The following AGTR1 variants were observed in gnomAD, a reference collection of about 807,000 sequenced individuals.
The protein encoded by AGTR1 is angiotensin II receptor type 1, also known as type-1 angiotensin II receptor.
In AGTR1, 16 loss-of-function variants were observed where a neutral mutation model predicts 19.4. That is an observed-to-expected ratio of 0.82 (90% CI 0.56 to 1.25). AGTR1 has a LOEUF of 1.25. Among genes scored for constraint, AGTR1 ranks in the 50% most tolerant of loss-of-function variants. AGTR1 has a pLI of 0.00. For synonymous variants in AGTR1, 153 were observed against 154.9 expected, an observed-to-expected ratio of 0.99 and a Z score of 0.09; for missense variants, 373 against 431.9, an observed-to-expected ratio of 0.86 and a Z score of 1.21.
intron 2 of AGTR1, chr3:148,730,141 C>T (rs143906108): frequency 2.5e-6 from 1 of 398,114 alleles, no homozygotes; most frequent in East Asian, 3.6e-5. Context: ...CTTCATCATC[C>T]TCATCGTGAA....
intron 2 of AGTR1, among the ~76,000 whole-genome samples, chr3:148,719,995 A>G (rs1177189451): frequency 6.6e-6 from 1 of 152,256 alleles, no homozygotes; most frequent in Non-Finnish European, 1.5e-5. Flanking sequence ...ATGTACAAGT[A>G]TCTCTGGGAA....
At position 148,730,225 on chromosome 3, in the gene AGTR1, C is replaced by T. The variant is rs1301950193; in HGVS notation, c.-47-10764C>T. On this transcript the variant is annotated intron_variant, in intron 2 of 2. Transcript: ENST00000349243. Reference sequence around the variant, plus strand: ...GTCAACTGACAGTCCAAAGGCTCCACAGCTCAGAGGAGGTAAATCATGTGC... The same window carrying T: ...GTCAACTGACAGTCCAAAGGCTCCATAGCTCAGAGGAGGTAAATCATGTGC... 5.0e-6 allele frequency: 2 copies of T among 398,398 alleles called. No homozygotes were observed. The highest frequency in any genetic ancestry group is 4.1e-5 in the African/African-American group (2 of 48,620). 24.7% of individuals were successfully genotyped at this position (398,398 alleles called of 1,614,324 possible).
intron 2 of AGTR1, among the ~76,000 whole-genome samples, chr3:148,725,044 T>C (rs1349008076): frequency 6.6e-6 from 1 of 152,188 alleles, no homozygotes; most frequent in African/African-American, 2.4e-5. Flanking sequence ...AATACAGTGT[T>C]GTATAATTAT....
At chr3:148,711,418 T>C (rs1254443046) in intron 2 of AGTR1, among the ~76,000 whole-genome samples, 1 of 152,238 alleles carries the variant, frequency 6.6e-6, no homozygotes, top group Non-Finnish European at 1.5e-5. Context: ...ATATTTCCTT[T>C]ACACATTTAA....
intron 2 of AGTR1, among the ~76,000 whole-genome samples, chr3:148,730,667 G>A (rs1238338493): frequency 2.6e-5 from 4 of 152,212 alleles, no homozygotes; most frequent in African/African-American, 7.2e-5. Context: ...ACAGGGCAGT[G>A]CTTTTCAAAT....
rs780050277 is a variant in AGTR1 at position 148,742,122 on chromosome 3, C to T, written c.*7C>T. The stretch of plus-strand genomic sequence containing the variant: ...ATGTTTTGAGGTTGAGTGACATGTT[C>T]GAAACCTGTCCATAAAGTAATTTTG... On this transcript the variant is annotated 3_prime_UTR_variant, in exon 3 of 3. Coordinates refer to ENST00000349243, the MANE Select transcript of AGTR1 (RefSeq NM_000685.5). 1.7e-5 allele frequency: 28 copies of T among 1,613,840 alleles called. No homozygotes were observed. Among genetic ancestry groups the T allele is most frequent in the Admixed American group, 3.3e-5 (2 of 59,980 alleles).
chr3:148,742,551 C>T lies in AGTR1; in HGVS notation c.*436C>T, dbSNP rs1714980027. The T allele has an allele frequency of 1.9e-5, 6 of 317,222 alleles. No homozygotes were observed. Among genetic ancestry groups the T allele is most frequent in the Non-Finnish European group, 3.9e-5 (6 of 155,512 alleles). The allele number at this position is 317,222 out of a possible 1,614,324, so 19.7% of individuals were successfully genotyped here. On this transcript the variant is annotated 3_prime_UTR_variant, in exon 3 of 3. Transcript: ENST00000349243. ...CCAAAGGGCAGTAAAGTTTTCGTGC[C>T]GGTTTTCAGCTATTAGCAACTGTGC...
At chr3:148,698,759 C>T (rs946526062) in intron 1 of AGTR1, among the ~76,000 whole-genome samples, 1 of 152,208 alleles carries the variant, frequency 6.6e-6, no homozygotes, top group African/African-American at 2.4e-5. Context: ...TGTCTCCACA[C>T]CCCAATCCCT....
intron 2 of AGTR1, among the ~76,000 whole-genome samples, chr3:148,732,220 A>G (rs749667481): frequency 2.0e-5 from 3 of 152,100 alleles, no homozygotes; most frequent in Non-Finnish European, 4.4e-5. Flanking sequence ...TCCAAACTGT[A>G]CTCTTTGACT....
chr3:148,705,595 T>C (rs751410117), intron 1 of AGTR1, among the ~76,000 whole-genome samples: 3 of 152,154 alleles, frequency 2.0e-5, no homozygotes, highest in Non-Finnish European at 4.4e-5. Flanking sequence ...TATTATCTAC[T>C]GAGTTACCAG....
intron 2 of AGTR1, among the ~76,000 whole-genome samples, chr3:148,715,766 G>T (rs1472309814): frequency 6.6e-6 from 1 of 152,120 alleles, no homozygotes; most frequent in Admixed American, 6.6e-5. Flanking sequence ...TCATTAGAAA[G>T]TATTTTAATA....
chr3:148,709,100 G>A (rs1712836336), intron 2 of AGTR1, among the ~76,000 whole-genome samples: 1 of 152,096 alleles, frequency 6.6e-6, no homozygotes, highest in Non-Finnish European at 1.5e-5. Context: ...CTTTAGGGAT[G>A]TTTTGTTTTG....
chr3:148,725,390 GTAT>G (rs770605989), intron 2 of AGTR1, among the ~76,000 whole-genome samples: 2 of 152,034 alleles, frequency 1.3e-5, no homozygotes, highest in Non-Finnish European at 2.9e-5. Context: ...ATATATTTTT[GTAT>G]TATTAGGGCT....
intron 1 of AGTR1, among the ~76,000 whole-genome samples, chr3:148,698,866 C>A (rs375734629): frequency 6.6e-6 from 1 of 152,150 alleles, no homozygotes; most frequent in Non-Finnish European, 1.5e-5. Context: ...GGCCACTGCC[C>A]GACACCCAAC....
chr3:148,726,809 C>T (rs1185683290), intron 2 of AGTR1, among the ~76,000 whole-genome samples: 1 of 152,152 alleles, frequency 6.6e-6, no homozygotes, highest in Non-Finnish European at 1.5e-5. Context: ...AAATGTCTCA[C>T]TAAAATGTTA....
chr3:148,740,965 C>T, intron 2 of AGTR1, 24 bp from the exon 3 acceptor site: 3 of 1,586,986 alleles, frequency 1.9e-6, no homozygotes, highest in East Asian at 2.2e-5. Flanking sequence ...TTTTTCTTTA[C>T]CATTTTATTT....
At chr3:148,702,852 C>A (rs1712428329) in intron 1 of AGTR1, among the ~76,000 whole-genome samples, 1 of 152,024 alleles carries the variant, frequency 6.6e-6, no homozygotes, top group South Asian at 2.1e-4. Flanking sequence ...CATTTTCAGA[C>A]CTTTATATTT....
At chr3:148,713,578 T>C (rs1406208277) in intron 2 of AGTR1, among the ~76,000 whole-genome samples, 1 of 152,106 alleles carries the variant, frequency 6.6e-6, no homozygotes, top group African/African-American at 2.4e-5. Context: ...ATACACAATT[T>C]AGTTGGGAAG....
At chr3:148,729,826 C>T (rs12695901) in intron 2 of AGTR1, among the ~76,000 whole-genome samples, 1,893 of 152,134 alleles carry the variant, frequency 0.012, 33 homozygotes, top group African/African-American at 0.044. Flanking sequence ...TCAGAGCTGG[C>T]GAAACAGTCT....
Sources: gnomAD v4.1 joint callset for allele counts (sites outside exome capture counted in the v4.1 genomes callset) on GRCh38, gnomAD v4.1.1 for gene constraint, MANE v1.5 for transcripts, NCBI Gene and HGNC (gene_info 2026-07-23, HGNC 2026-07-21) for gene names.